Variants in NNT observed in about 807,000 individuals in gnomAD.
NNT encodes the protein nicotinamide nucleotide transhydrogenase, also known as NAD(P) transhydrogenase, mitochondrial.
A neutral mutation model predicts 104.8 loss-of-function variants in NNT; 50 were observed. That is an observed-to-expected ratio of 0.48 (90% confidence interval 0.38 to 0.60). The LOEUF (loss-of-function observed/expected upper bound fraction) is 0.60. Among genes scored for constraint, NNT ranks in the 20% least tolerant of loss-of-function variants. The probability of loss-of-function intolerance (pLI) is 0.00; values close to 1 mark genes in which losing one functional copy is unlikely to be tolerated. For missense variants in NNT, 1,131 were observed against 1,330.7 expected, an observed-to-expected ratio of 0.85 and a Z score of 2.33; for synonymous variants, 461 against 490.4, an observed-to-expected ratio of 0.94 and a Z score of 0.79.
chr5:43,665,951 G>T (rs1411015341), intron 17 of NNT, among the ~76,000 whole-genome samples: 1 of 151,926 alleles, frequency 6.6e-6, no homozygotes, highest in Non-Finnish European at 1.5e-5. Context: ...TCAGTTCCCA[G>T]ACGGGGTCGC....
intron 7 of NNT, among the ~76,000 whole-genome samples, chr5:43,632,908 G>A (rs929562426): frequency 6.6e-6 from 1 of 152,140 alleles, no homozygotes; most frequent in Non-Finnish European, 1.5e-5. Flanking sequence ...TTGAAAATCT[G>A]ATAAGTACGT....
intron 9 of NNT, 61 bp downstream of exon 9, chr5:43,644,863 T>TGGAA: frequency 1.5e-6 from 2 of 1,365,980 alleles, no homozygotes; most frequent in Non-Finnish European, 1.0e-6. Context: ...AGAATTTCTG[T>TGGAA]TTATGGAAGA....
At chr5:43,696,640 C>T (rs1330676296) in intron 19 of NNT, among the ~76,000 whole-genome samples, 2 of 152,208 alleles carry the variant, frequency 1.3e-5, no homozygotes, top group African/African-American at 4.8e-5. Context: ...GGCCCCACCC[C>T]CGTGGCAGAC....
At chr5:43,612,387 T>A (rs1225318994) in intron 2 of NNT, among the ~76,000 whole-genome samples, 1 of 152,240 alleles carries the variant, frequency 6.6e-6, no homozygotes, top group Non-Finnish European at 1.5e-5. Flanking sequence ...TGGCTGAGTG[T>A]GTAGAGTCTT....
intron 5 of NNT, among the ~76,000 whole-genome samples, chr5:43,619,880 T>C (rs1173124061): frequency 6.6e-6 from 1 of 152,132 alleles, no homozygotes; most frequent in East Asian, 1.9e-4. Context: ...CAACTCATGG[T>C]GGACAGTGTA....
chr5:43,644,805 A>G lies in NNT; in HGVS notation c.1290+3A>G. 2 of 1,605,694 alleles carry G rather than the reference A, an allele frequency of 1.2e-6. No homozygotes were observed. Among genetic ancestry groups the G allele is most frequent in the Non-Finnish European group, 8.5e-7 (1 of 1,174,164 alleles). On this transcript the variant is annotated splice_donor_region_variant and intron_variant, in intron 9 of 21. Transcript: ENST00000344920. ...TTAGAGGAACTGTAGTGATGAAAGT[A>G]AGTAAAGAGATCTATTCCTTCCTTT...
At chr5:43,629,127 C>T (rs2111701516) in intron 7 of NNT, among the ~76,000 whole-genome samples, 1 of 152,224 alleles carries the variant, frequency 6.6e-6, no homozygotes, top group African/African-American at 2.4e-5. Flanking sequence ...ACACTGTACA[C>T]AATGTTTAGT....
chr5:43,646,893 A>G (rs926202020), intron 10 of NNT, among the ~76,000 whole-genome samples: 1 of 152,222 alleles, frequency 6.6e-6, no homozygotes, highest in Non-Finnish European at 1.5e-5. Context: ...ATCTTTACAA[A>G]AACACTAAAT....
chr5:43,641,833 C>T (rs1029508014), intron 7 of NNT, among the ~76,000 whole-genome samples: 1 of 152,172 alleles, frequency 6.6e-6, no homozygotes, highest in African/African-American at 2.4e-5. Context: ...AAACACCCAA[C>T]TTATCTCTGT....
chr5:43,617,424 G>T (rs969451843), intron 4 of NNT, among the ~76,000 whole-genome samples: 1 of 151,984 alleles, frequency 6.6e-6, no homozygotes, highest in Non-Finnish European at 1.5e-5. Context: ...AAACCTTCAG[G>T]GACCCAGGGA....
At chr5:43,630,930 T>C (rs542391225) in intron 7 of NNT, among the ~76,000 whole-genome samples, 13 of 152,188 alleles carry the variant, frequency 8.5e-5, no homozygotes, top group Non-Finnish European at 1.6e-4. Flanking sequence ...TGCTTTGTCA[T>C]GAGGCTATGA....
chr5:43,645,507 GC>G lies in NNT; in HGVS notation c.1442del (p.Ala481GlufsTer16). On this transcript the variant is annotated frameshift_variant and splice_region_variant, in exon 10 of 22. Transcript: ENST00000344920. LOFTEE classifies it high-confidence loss of function. ...KTMSTASAYTAGLTGILGLGI... is the reference protein window; with the variant it reads ...KTMSTASAYTXGLTGILGLGI... Reference sequence around the variant, plus strand: ...AATGTCAACGGCTTCTGCATATACAGCAGGTGAGGATACCATTTACCAGGGT... The same window carrying G: ...AATGTCAACGGCTTCTGCATATACAGAGGTGAGGATACCATTTACCAGGGT... 6.6e-7 allele frequency: 1 copy of G among 1,507,856 alleles called. No individual in the cohort carries two copies. The highest frequency in any genetic ancestry group is 2.0e-5 in the Admixed American group (1 of 48,966). The allele number at this position is 1,507,856 out of a possible 1,614,324, so 93.4% of individuals were successfully genotyped here.
intron 18 of NNT, among the ~76,000 whole-genome samples, chr5:43,677,481 G>T (rs865991369): frequency 3.3e-5 from 5 of 151,906 alleles, no homozygotes; most frequent in South Asian, 4.2e-4. Context: ...GTGCAGTGTC[G>T]GGGGTGGGGT....
chr5:43,704,413 G>A lies in NNT; in HGVS notation c.*9G>A. The A allele has an allele frequency of 6.2e-7, 1 of 1,613,248 alleles. No homozygotes were observed. Reference sequence around the variant, plus strand: ...AATCCTATCAGAAGTAAATATTAAGGATCAAGCTGTTAGCTAATAATGCCA... The same window carrying A: ...AATCCTATCAGAAGTAAATATTAAGAATCAAGCTGTTAGCTAATAATGCCA... On this transcript the variant is annotated 3_prime_UTR_variant, in exon 22 of 22. Coordinates refer to ENST00000344920, the MANE Select transcript of NNT (RefSeq NM_182977.3).
chr5:43,675,389 A>G (rs1741356192), intron 17 of NNT, 122 bp from the exon 18 acceptor site: 2 of 789,538 alleles, frequency 2.5e-6, no homozygotes, highest in Non-Finnish European at 3.7e-6. Context: ...ATCTGATTAA[A>G]GTGTTTTAAA....
In NNT at chr5:43,656,758, G is replaced by A. The variant is rs1380429956; in HGVS notation, c.2399G>A (p.Ser800Asn). The change falls in exon 16 of 22, where the codon AGC (serine) becomes AAC (asparagine). Residue 800 changes from serine (S) to asparagine (N), a missense_variant. Physicochemically the swap from Ser to Asn is conservative, Grantham distance 46. Coordinates refer to ENST00000344920, the MANE Select transcript of NNT (RefSeq NM_182977.3). ...ATAATCCCATTCATGGTGGACCCAA[G>A]CTTTACTACTGGCATCACCTGTCTG... ...GGIIPFMVDP[S>N]FTTGITCLGS... 2.5e-6 allele frequency: 4 copies of A among 1,614,162 alleles called. No individual in the cohort carries two copies. Among genetic ancestry groups the A allele is most frequent in the Middle Eastern group, 1.6e-4 (1 of 6,062 alleles).
intron 14 of NNT, among the ~76,000 whole-genome samples, chr5:43,654,153 A>G (rs1739918132): frequency 6.6e-6 from 1 of 152,326 alleles, no homozygotes; most frequent in South Asian, 2.1e-4. Context: ...GTATGTGTAT[A>G]GAAGAAATAC....
Position 43,706,231 on chromosome 5 carries a change from A to G in NNT, c.*1827A>G, listed in dbSNP as rs973918660. ...GGATATTTAAAGGATTTTTGTATAT[A>G]TAATTTCTTAAATTAATATTCCAAA... is the stretch of plus-strand genomic sequence containing the variant. On this transcript the variant is annotated 3_prime_UTR_variant, in exon 22 of 22. Transcript: ENST00000344920. 16 of 151,764 alleles carry G rather than the reference A, an allele frequency of 1.1e-4. No homozygotes were observed. In the East Asian group the frequency reaches 2.9e-3, roughly 27 times the overall value. 9.4% of individuals were successfully genotyped at this position (151,764 alleles called of 1,614,324 possible). A position where few individuals can be genotyped will look rare whatever the true frequency, so the allele number is the denominator to read the frequency against.
At chr5:43,685,623 T>C (rs1293176921) in intron 19 of NNT, among the ~76,000 whole-genome samples, 1 of 152,202 alleles carries the variant, frequency 6.6e-6, no homozygotes, top group Non-Finnish European at 1.5e-5. Context: ...TGAATTGGGA[T>C]GCTTGATTTA....
Sources: gnomAD v4.1 joint callset for allele counts (sites outside exome capture counted in the v4.1 genomes callset) on GRCh38, gnomAD v4.1.1 for gene constraint, MANE v1.5 for transcripts, NCBI Gene and HGNC (gene_info 2026-07-23, HGNC 2026-07-21) for gene names.